The following SV2C variants were observed in gnomAD, a reference collection of about 807,000 sequenced individuals.
SV2C encodes synaptic vesicle glycoprotein 2C, also known as solute carrier family 22 member B3.
SV2C carries 49 observed loss-of-function variants against 79.7 expected under a neutral mutation model. That is an observed-to-expected ratio of 0.61 (90% CI 0.49 to 0.78). SV2C has a LOEUF of 0.78. SV2C is among the 30% of genes least tolerant of loss of function. The pLI, the probability that SV2C is intolerant of heterozygous loss-of-function variation, is 0.00. For synonymous variants in SV2C, 334 were observed against 333.2 expected, an observed-to-expected ratio of 1.00 and a Z score of -0.03; for missense variants, 833 against 912.9, an observed-to-expected ratio of 0.91 and a Z score of 1.13.
intron 1 of SV2C, among the ~76,000 whole-genome samples, chr5:76,103,112 A>G (rs1260708123): frequency 2.0e-5 from 3 of 152,218 alleles, no homozygotes; most frequent in Non-Finnish European, 4.4e-5. Context: ...GATTGCAATA[A>G]TGCATAATTA....
At chr5:76,339,400 T>C (rs1351890641) in intron 12 of SV2C, among the ~76,000 whole-genome samples, 1 of 152,190 alleles carries the variant, frequency 6.6e-6, no homozygotes, top group Non-Finnish European at 1.5e-5. Context: ...TGATTAGTAA[T>C]AGTTGTTTGG....
the SV2C span, among the ~76,000 whole-genome samples, chr5:75,947,424 G>A: frequency 1.0e-3 from 151 of 150,384 alleles, no homozygotes; most frequent in South Asian, 2.5e-3. Context: ...GCCCCCCTTG[G>A]AAAATTCCAT....
intron 2 of SV2C, among the ~76,000 whole-genome samples, chr5:76,162,490 T>G (rs1014881303): frequency 2.6e-5 from 4 of 152,186 alleles, no homozygotes; most frequent in Non-Finnish European, 4.4e-5. Context: ...TCTCAAGAGT[T>G]GGGTTACCGA....
chr5:75,921,533 A>T, the SV2C span: 4 of 825,124 alleles, frequency 4.8e-6, no homozygotes, highest in African/African-American at 5.0e-5. Flanking sequence ...CTCTGGGGAG[A>T]TGATTGAAGG....
chr5:76,312,938 C>T (rs187260150), intron 12 of SV2C, among the ~76,000 whole-genome samples: 10 of 152,308 alleles, frequency 6.6e-5, no homozygotes, highest in Non-Finnish European at 1.5e-4. Flanking sequence ...CAAGCCCTTC[C>T]CTTAGGACTG....
At chr5:76,118,745 G>A (rs1011977378) in intron 1 of SV2C, among the ~76,000 whole-genome samples, 3 of 152,180 alleles carry the variant, frequency 2.0e-5, no homozygotes, top group Admixed American at 6.5e-5. Flanking sequence ...ACTTTGGGAG[G>A]CTGAGGTAGG....
the SV2C span, among the ~76,000 whole-genome samples, chr5:75,888,791 C>T: frequency 4.6e-5 from 7 of 152,160 alleles, no homozygotes; most frequent in African/African-American, 7.2e-5. Flanking sequence ...GGCCTGTTTC[C>T]GTGTTTTGCC....
chr5:75,881,474 G>A, the SV2C span, among the ~76,000 whole-genome samples: 1 of 152,170 alleles, frequency 6.6e-6, no homozygotes, highest in African/African-American at 2.4e-5. Flanking sequence ...AACATTTCTT[G>A]AGCAGTGGTT....
At chr5:76,248,254 GA>G (rs1415117782) in intron 4 of SV2C, among the ~76,000 whole-genome samples, 1 of 152,176 alleles carries the variant, frequency 6.6e-6, no homozygotes, top group Non-Finnish European at 1.5e-5. Flanking sequence ...TTCAACTGCA[GA>G]AATTCATTTT....
intron 3 of SV2C, among the ~76,000 whole-genome samples, chr5:76,208,227 A>G (rs1744667261): frequency 6.6e-6 from 1 of 152,252 alleles, no homozygotes; most frequent in Admixed American, 6.5e-5. Context: ...TATACATTAC[A>G]AATACATTTA....
chr5:76,281,190 T>C (rs1747182838), intron 4 of SV2C: 1 of 534,352 alleles, frequency 1.9e-6, no homozygotes. Context: ...TTAAAAAAAG[T>C]AAGCCGACAA....
rs1425186146 is a variant in SV2C at position 76,328,506 on chromosome 5, A to T, written c.*2959A>T. Reference sequence around the variant, plus strand: ...TTGGGTTTTAAGGCACCCAACTCACATTCAGTCCTGCTGCCTGAATCATCT... The same window carrying T: ...TTGGGTTTTAAGGCACCCAACTCACTTTCAGTCCTGCTGCCTGAATCATCT... On this transcript the variant is annotated 3_prime_UTR_variant, in exon 13 of 13. Coordinates refer to ENST00000502798, the MANE Select transcript of SV2C (RefSeq NM_014979.4). 1 of 152,236 alleles carries T rather than the reference A, an allele frequency of 6.6e-6. No homozygotes were observed. Among genetic ancestry groups the T allele is most frequent in the Non-Finnish European group, 1.5e-5 (1 of 68,058 alleles). The allele number at this position is 152,236 out of a possible 1,614,324, so 9.4% of individuals were successfully genotyped here.
intron 12 of SV2C, among the ~76,000 whole-genome samples, chr5:76,313,129 G>A (rs919609093): frequency 3.3e-5 from 5 of 152,208 alleles, no homozygotes; most frequent in Non-Finnish European, 4.4e-5. Context: ...GGCCTTTCTA[G>A]CTCTAGAATT....
chr5:76,181,100 C>CA (rs955580445), intron 2 of SV2C, among the ~76,000 whole-genome samples: 1 of 151,860 alleles, frequency 6.6e-6, no homozygotes, highest in African/African-American at 2.4e-5. Flanking sequence ...CTCAGCCATC[C>CA]CCCTACCTGT....
At chr5:75,883,270 G>T in the SV2C span, among the ~76,000 whole-genome samples, 47 of 134,820 alleles carry the variant, frequency 3.5e-4, 2 homozygotes, top group East Asian at 2.0e-3. Flanking sequence ...AACCATTGTG[G>T]AAGTCAGTGT....
chr5:75,941,506 C>T, the SV2C span, among the ~76,000 whole-genome samples: 1 of 152,308 alleles, frequency 6.6e-6, no homozygotes, highest in South Asian at 2.1e-4. Flanking sequence ...ATTACTGTGG[C>T]AGACTCTGAC....
chr5:76,046,821 AG>A, the SV2C span, among the ~76,000 whole-genome samples: 1 of 152,192 alleles, frequency 6.6e-6, no homozygotes, highest in Non-Finnish European at 1.5e-5. Flanking sequence ...CTCAGGTCTT[AG>A]GGGAGGTCGC....
intron 4 of SV2C, among the ~76,000 whole-genome samples, chr5:76,218,569 C>A (rs1744971132): frequency 6.6e-6 from 1 of 152,064 alleles, no homozygotes; most frequent in African/African-American, 2.4e-5. Flanking sequence ...AACACATGGA[C>A]ACAGGGAGGG....
At chr5:76,342,672 G>A (rs1749465538) in intron 12 of SV2C, among the ~76,000 whole-genome samples, 1 of 152,222 alleles carries the variant, frequency 6.6e-6, no homozygotes, top group South Asian at 2.1e-4. Context: ...TTCTCCACTT[G>A]TAAGCTGTGT....
Sources: gnomAD v4.1 joint callset for allele counts (sites outside exome capture counted in the v4.1 genomes callset) on GRCh38, gnomAD v4.1.1 for gene constraint, MANE v1.5 for transcripts, NCBI Gene and HGNC (gene_info 2026-07-23, HGNC 2026-07-21) for gene names.